The following ANK2 variants were observed in gnomAD, a reference collection of about 807,000 sequenced individuals.
ANK2 encodes ankyrin-2.
In ANK2, 83 loss-of-function variants were observed where a neutral mutation model predicts 360.5. The observed-to-expected ratio is 0.23, with a 90% CI of 0.19 to 0.28. ANK2 has a LOEUF of 0.28. Among genes scored for constraint, ANK2 ranks in the 10% least tolerant of loss-of-function variants. ANK2 has a pLI of 1.00. For missense variants in ANK2, 4,201 were observed against 4,795.7 expected (o/e 0.88, Z 3.66); for synonymous variants, 1,740 against 1,759.5 (o/e 0.99, Z 0.28).
chr4:113,338,825 A>C (rs1321268191), intron 31 of ANK2, among the ~76,000 whole-genome samples: 6 of 152,062 alleles, frequency 3.9e-5, no homozygotes, highest in Non-Finnish European at 8.8e-5. Context: ...CTGGGATTAC[A>C]GGCATGAGTC....
intron 1 of ANK2, among the ~76,000 whole-genome samples, chr4:113,050,307 GA>G (rs2066365547): frequency 6.6e-6 from 1 of 152,162 alleles, no homozygotes; most frequent in East Asian, 1.9e-4. Context: ...TGTGACAGGA[GA>G]AATATCATCC....
chr4:113,060,201 G>A (rs2072467112), intron 1 of ANK2, among the ~76,000 whole-genome samples: 1 of 151,996 alleles, frequency 6.6e-6, no homozygotes, highest in Non-Finnish European at 1.5e-5. Context: ...AACACATGAT[G>A]TTTTGTTAAA....
At chr4:112,729,526 C>A in the ANK2 span, among the ~76,000 whole-genome samples, 7,145 of 152,030 alleles carry the variant, frequency 0.047, 218 homozygotes, top group Non-Finnish European at 0.077. Flanking sequence ...GAGGCCCAGG[C>A]AGGTGGATCA....
At chr4:112,944,258 A>G (rs2094420345) in intron 2 of ANK2, among the ~76,000 whole-genome samples, 1 of 152,032 alleles carries the variant, frequency 6.6e-6, no homozygotes, top group Non-Finnish European at 1.5e-5. Flanking sequence ...TCTCTTGTCT[A>G]TTTGTTCACT....
intron 4 of ANK2, among the ~76,000 whole-genome samples, chr4:113,203,128 C>T (rs1427648650): frequency 6.6e-6 from 1 of 152,136 alleles, no homozygotes; most frequent in Non-Finnish European, 1.5e-5. Context: ...TTTCTGAAAA[C>T]AAAGTCACTT....
chr4:112,788,124 C>T, the ANK2 span: 11 of 1,578,842 alleles, frequency 7.0e-6, no homozygotes, highest in South Asian at 6.6e-5. Context: ...TTTGCCTTTT[C>T]GAGCTTGGCA....
the ANK2 span, among the ~76,000 whole-genome samples, chr4:112,774,521 C>T: frequency 6.6e-6 from 1 of 152,102 alleles, no homozygotes; most frequent in African/African-American, 2.4e-5. Flanking sequence ...AGCGAGACTC[C>T]GTCTCAAAAA....
At chr4:113,280,343 G>T (rs2061818624) in intron 17 of ANK2, among the ~76,000 whole-genome samples, 1 of 152,244 alleles carries the variant, frequency 6.6e-6, no homozygotes, top group Admixed American at 6.5e-5. Flanking sequence ...TACCTTGTAT[G>T]GTCCTTAATC....
intron 2 of ANK2, among the ~76,000 whole-genome samples, chr4:113,192,833 C>A (rs1396313209): frequency 2.0e-5 from 3 of 151,646 alleles, no homozygotes; most frequent in Non-Finnish European, 4.4e-5. Context: ...TAGTAAGATT[C>A]CGAAGACCAA....
intron 2 of ANK2, among the ~76,000 whole-genome samples, chr4:113,029,939 A>G (rs1458194777): frequency 1.3e-5 from 2 of 152,232 alleles, no homozygotes; most frequent in African/African-American, 2.4e-5. Context: ...TCATTGTTCT[A>G]TTTGACATTG....
chr4:112,743,271 C>T, the ANK2 span, among the ~76,000 whole-genome samples: 4 of 152,034 alleles, frequency 2.6e-5, no homozygotes, highest in Non-Finnish European at 1.5e-5. Context: ...GAATAACTTG[C>T]CTTGTTCATT....
At chr4:113,089,721 G>T (rs2086779210) in intron 1 of ANK2, among the ~76,000 whole-genome samples, 1 of 152,176 alleles carries the variant, frequency 6.6e-6, no homozygotes, top group Admixed American at 6.5e-5. Flanking sequence ...CTACTCGGGA[G>T]GCTGAGGCAG....
chr4:113,145,230 G>C (rs1330910421), intron 1 of ANK2, among the ~76,000 whole-genome samples: 2 of 152,138 alleles, frequency 1.3e-5, no homozygotes, highest in Non-Finnish European at 2.9e-5. Context: ...AATATTACAT[G>C]TTAAAAGAAC....
chr4:112,935,711 G>A (rs1021428623), intron 2 of ANK2, among the ~76,000 whole-genome samples: 15 of 152,098 alleles, frequency 9.9e-5, no homozygotes, highest in Admixed American at 2.6e-4. Context: ...GTGTGGTGGC[G>A]CACACCTGTA....
intron 1 of ANK2, among the ~76,000 whole-genome samples, chr4:112,820,126 G>T (rs531884279): frequency 1.3e-5 from 2 of 152,306 alleles, no homozygotes; most frequent in African/African-American, 4.8e-5. Flanking sequence ...AATGTGAAAA[G>T]AAATGGAAGA....
intron 2 of ANK2, among the ~76,000 whole-genome samples, chr4:113,021,530 C>CCCCCCCCACACACACACA (rs1554056650): frequency 1.5e-4 from 2 of 13,086 alleles, no homozygotes; most frequent in African/African-American, 4.6e-4. Context: ...ACACACACAC[C>CCCCCCCCACACACACACA]CACACACAAA....
chr4:113,050,632 C>T (rs1191736913), intron 1 of ANK2, among the ~76,000 whole-genome samples: 1 of 152,144 alleles, frequency 6.6e-6, no homozygotes, highest in Non-Finnish European at 1.5e-5. Flanking sequence ...CCCTGAGCCT[C>T]ACCTCTGAAA....
At chr4:113,050,482 C>T (rs2066471962) in intron 1 of ANK2, among the ~76,000 whole-genome samples, 1 of 152,134 alleles carries the variant, frequency 6.6e-6, no homozygotes, top group African/African-American at 2.4e-5. Flanking sequence ...CATACATTCC[C>T]ACACCCTCGA....
the ANK2 span, among the ~76,000 whole-genome samples, chr4:112,735,031 C>T: frequency 1.3e-5 from 2 of 152,178 alleles, no homozygotes; most frequent in African/African-American, 2.4e-5. Context: ...AGCAATTGCA[C>T]ATGTTGCCTC....
Sources: allele counts gnomAD v4.1 joint callset (sites outside exome capture counted in the v4.1 genomes callset), GRCh38; gene constraint gnomAD v4.1.1; transcripts MANE v1.5; gene names NCBI Gene and HGNC (gene_info 2026-07-23, HGNC 2026-07-21).